The following ADAMTS19 variants were observed in gnomAD, a reference collection of about 807,000 sequenced individuals.
ADAMTS19 encodes A disintegrin and metalloproteinase with thrombospondin motifs 19.
ADAMTS19 carries 93 observed loss-of-function variants against 153.3 expected under a neutral mutation model. The ratio of observed to expected loss-of-function variants is 0.61; its 90% CI spans 0.51 to 0.72. The LOEUF (loss-of-function observed/expected upper bound fraction) is 0.72. Among genes scored for constraint, ADAMTS19 ranks in the 30% least tolerant of loss-of-function variants. The pLI is 0.00. For missense variants in ADAMTS19, 1,482 were observed against 1,552.1 expected, an observed-to-expected ratio of 0.95 and a Z score of 0.76; for synonymous variants, 600 against 556.6, an observed-to-expected ratio of 1.08 and a Z score of -1.10.
At chr5:129,670,863 T>C (rs1040047517) in intron 16 of ADAMTS19, among the ~76,000 whole-genome samples, 1 of 152,188 alleles carries the variant, frequency 6.6e-6, no homozygotes, top group Non-Finnish European at 1.5e-5. Flanking sequence ...AAGTCTCCAA[T>C]CACTCTTTGT....
chr5:129,571,729 G>A (rs571749218), intron 7 of ADAMTS19, among the ~76,000 whole-genome samples: 17 of 151,654 alleles, frequency 1.1e-4, no homozygotes, highest in East Asian at 9.7e-4. Flanking sequence ...AAATCGTTTC[G>A]GAGAAATACT....
chr5:129,631,745 C>T (rs1176830005), intron 10 of ADAMTS19, among the ~76,000 whole-genome samples: 1 of 151,812 alleles, frequency 6.6e-6, no homozygotes, highest in Non-Finnish European at 1.5e-5. Flanking sequence ...ACTATTTCAA[C>T]TGAGCCTCTT....
At chr5:129,709,985 T>A (rs968825914) in intron 21 of ADAMTS19, among the ~76,000 whole-genome samples, 1 of 152,066 alleles carries the variant, frequency 6.6e-6, no homozygotes, top group African/African-American at 2.4e-5. Flanking sequence ...AATTTAATTT[T>A]AAGTTCCGGG....
intron 6 of ADAMTS19, among the ~76,000 whole-genome samples, chr5:129,537,242 G>C (rs1365354669): frequency 6.6e-6 from 1 of 152,076 alleles, no homozygotes; most frequent in East Asian, 1.9e-4. Context: ...TCTCACACCA[G>C]TTAGAATGGC....
chr5:129,516,255 TTA>T lies in ADAMTS19; in HGVS notation c.913+7015_913+7016del, dbSNP rs1442879949. On this transcript the variant is annotated intron_variant, in intron 3 of 22. Transcript: ENST00000274487. ...ATTAGCCTGTAGTTTTTTTTTTAATTTATGTGTCTTTTTTTCTTTTCTTTTTT... is the reference window on the plus strand; with the variant it reads ...ATTAGCCTGTAGTTTTTTTTTTAATTTGTGTCTTTTTTTCTTTTCTTTTTT... Among the ~76,000 whole-genome samples the T allele has an allele frequency of 4.6e-5, 7 of 150,548 alleles. No individual in the cohort carries two copies. The East Asian group carries it at 1.4e-3, about 30-fold the overall frequency.
intron 2 of ADAMTS19, among the ~76,000 whole-genome samples, chr5:129,471,173 T>A (rs1469857992): frequency 6.6e-6 from 1 of 151,928 alleles, no homozygotes; most frequent in East Asian, 1.9e-4. Flanking sequence ...CCAGACTGAA[T>A]GACAAACCTA....
chr5:129,687,575 G>A (rs1211366328), intron 18 of ADAMTS19, among the ~76,000 whole-genome samples: 1 of 151,950 alleles, frequency 6.6e-6, no homozygotes, highest in Non-Finnish European at 1.5e-5. Flanking sequence ...TTTGTTTCAG[G>A]GTCAGGAGAA....
intron 19 of ADAMTS19, among the ~76,000 whole-genome samples, chr5:129,696,659 A>G (rs535390882): frequency 1.3e-5 from 2 of 152,272 alleles, no homozygotes; most frequent in South Asian, 4.1e-4. Flanking sequence ...AAGACATAAG[A>G]TGTCAGTCAA....
intron 2 of ADAMTS19, among the ~76,000 whole-genome samples, chr5:129,484,645 C>G (rs997940185): frequency 5.3e-5 from 8 of 151,874 alleles, no homozygotes; most frequent in African/African-American, 1.9e-4. Flanking sequence ...TATTCATTAC[C>G]TTATTGATGG....
At chr5:129,613,439 G>C (rs1474286480) in intron 8 of ADAMTS19, among the ~76,000 whole-genome samples, 1 of 151,930 alleles carries the variant, frequency 6.6e-6, no homozygotes, top group East Asian at 1.9e-4. Context: ...ATGACTACTG[G>C]GTACATAACG....
At chr5:129,585,248 T>C (rs988510619) in intron 7 of ADAMTS19, among the ~76,000 whole-genome samples, 2 of 151,216 alleles carry the variant, frequency 1.3e-5, no homozygotes, top group Non-Finnish European at 3.0e-5. Context: ...CCAGTCCCAG[T>C]GAGATGAGCC....
chr5:129,529,216 C>G (rs1381040983), intron 6 of ADAMTS19, among the ~76,000 whole-genome samples: 1 of 151,962 alleles, frequency 6.6e-6, no homozygotes, highest in African/African-American at 2.4e-5. Context: ...ACAATATGCT[C>G]TATATGATTA....
At chr5:129,555,465 T>C (rs918024003) in intron 7 of ADAMTS19, among the ~76,000 whole-genome samples, 1 of 152,130 alleles carries the variant, frequency 6.6e-6, no homozygotes, top group African/African-American at 2.4e-5. Flanking sequence ...AACAAAAGGA[T>C]CATAGATTTT....
chr5:129,533,441 C>T (rs1349169779), intron 6 of ADAMTS19, among the ~76,000 whole-genome samples: 13 of 151,954 alleles, frequency 8.6e-5, no homozygotes, highest in Non-Finnish European at 8.8e-5. Context: ...GTGGTGATAT[C>T]CCCTTTGTCA....
At chr5:129,646,968 C>A (rs1753090243) in intron 11 of ADAMTS19, among the ~76,000 whole-genome samples, 1 of 151,996 alleles carries the variant, frequency 6.6e-6, no homozygotes. Flanking sequence ...AGCAACCATT[C>A]CTGGGTGACC....
At chr5:129,552,201 A>G (rs545005620) in intron 7 of ADAMTS19, among the ~76,000 whole-genome samples, 33 of 152,008 alleles carry the variant, frequency 2.2e-4, no homozygotes, top group Admixed American at 2.0e-3. Flanking sequence ...ATTATTATTA[A>G]TAACCAAAGA....
At chr5:129,719,074 G>A (rs1366392645) in intron 21 of ADAMTS19, among the ~76,000 whole-genome samples, 3 of 152,180 alleles carry the variant, frequency 2.0e-5, no homozygotes, top group East Asian at 3.9e-4. Flanking sequence ...TAAATGCACT[G>A]AAATGTTTTT....
intron 2 of ADAMTS19, among the ~76,000 whole-genome samples, chr5:129,474,346 A>G (rs971562598): frequency 2.6e-5 from 4 of 152,122 alleles, no homozygotes; most frequent in Non-Finnish European, 4.4e-5. Context: ...GCTATTATGA[A>G]TAATGCTACT....
chr5:129,662,153 A>G lies in ADAMTS19; in HGVS notation c.2426-3346A>G, dbSNP rs529156481. Among the ~76,000 whole-genome samples, 9 of 152,366 alleles carry G rather than the reference A, an allele frequency of 5.9e-5. No individual in the cohort carries two copies. The East Asian group carries it at 1.7e-3, about 29-fold the overall frequency. On this transcript the variant is annotated intron_variant, in intron 15 of 22. Coordinates refer to ENST00000274487, the MANE Select transcript of ADAMTS19 (RefSeq NM_133638.6). ...ACTATAATAATGATTAGCACATAGC[A>G]GTTTTTCAAAATATGGCGTTTGTTA...
Sources: gnomAD v4.1 joint callset for allele counts (sites outside exome capture counted in the v4.1 genomes callset) on GRCh38, gnomAD v4.1.1 for gene constraint, MANE v1.5 for transcripts, NCBI Gene and HGNC (gene_info 2026-07-23, HGNC 2026-07-21) for gene names.